Variants in DOCK1 observed in about 807,000 individuals in gnomAD.
DOCK1 encodes the protein dedicator of cytokinesis protein 1.
Under a neutral mutation model 262.7 loss-of-function variants are expected in DOCK1, and 138 were observed. The ratio of observed to expected loss-of-function variants is 0.53; its 90% CI spans 0.46 to 0.61. The LOEUF is 0.61. DOCK1 is among the 20% of genes least tolerant of loss of function. The pLI is 0.00. For missense variants in DOCK1, 1,908 were observed against 2,370.7 expected (o/e 0.80, Z 4.05); for synonymous variants, 866 against 867.4 (o/e 1.00, Z 0.03).
intron 1 of DOCK1, among the ~76,000 whole-genome samples, chr10:126,948,732 C>T (rs1481775898): frequency 6.6e-6 from 1 of 152,018 alleles, no homozygotes; most frequent in Non-Finnish European, 1.5e-5. Flanking sequence ...TGTGCAGCTG[C>T]CATCCAGCCT....
At chr10:127,414,633 A>G (rs1222254161) in intron 43 of DOCK1, among the ~76,000 whole-genome samples, 1 of 152,182 alleles carries the variant, frequency 6.6e-6, no homozygotes, top group African/African-American at 2.4e-5. Flanking sequence ...CCATATCTTT[A>G]TGTTCTCATA....
intron 46 of DOCK1, among the ~76,000 whole-genome samples, chr10:127,421,769 C>T (rs2068524219): frequency 6.6e-6 from 1 of 152,184 alleles, no homozygotes; most frequent in African/African-American, 2.4e-5. Context: ...AGAATGTCTT[C>T]CAGATTCATC....
At chr10:127,093,242 C>CTTTTTTTTTTTTTTTTTTTTTTTT (rs200302331) in intron 23 of DOCK1, among the ~76,000 whole-genome samples, 2 of 79,342 alleles carry the variant, frequency 2.5e-5, no homozygotes, top group Non-Finnish European at 4.4e-5. Flanking sequence ...TTTCTTTCTT[C>CTTTTTTTTTTTTTTTTTTTTTTTT]TTTTTTTTTT....
chr10:127,281,248 G>A (rs2060952889), intron 29 of DOCK1, among the ~76,000 whole-genome samples: 1 of 152,138 alleles, frequency 6.6e-6, no homozygotes, highest in Admixed American at 6.5e-5. Context: ...AATCATAATT[G>A]GTAGAAAGTT....
intron 43 of DOCK1, among the ~76,000 whole-genome samples, chr10:127,413,537 C>T (rs904482907): frequency 5.3e-5 from 8 of 152,206 alleles, no homozygotes; most frequent in African/African-American, 1.9e-4. Flanking sequence ...CGAGGTGGCT[C>T]ATCCCTGCAG....
intron 38 of DOCK1, among the ~76,000 whole-genome samples, chr10:127,385,697 C>T (rs1590820432): frequency 1.3e-5 from 2 of 152,226 alleles, no homozygotes; most frequent in African/African-American, 2.4e-5. Flanking sequence ...CCTGATGTCA[C>T]AGTGTTGGCG....
intron 39 of DOCK1, 23 bp from the exon 40 acceptor site, chr10:127,404,302 T>A (rs372340306): frequency 1.9e-6 from 3 of 1,600,310 alleles, no homozygotes. Context: ...AAACCTGAAA[T>A]GCATTTTCTT....
At chr10:126,926,390 G>GA (rs922714769) in intron 1 of DOCK1, among the ~76,000 whole-genome samples, 1 of 150,648 alleles carries the variant, frequency 6.6e-6, no homozygotes, top group Admixed American at 6.6e-5. Context: ...GTAGACAAAA[G>GA]AAAAAAAAGA....
At chr10:127,448,689 T>G (rs1164463874) in intron 51 of DOCK1, among the ~76,000 whole-genome samples, 1 of 152,100 alleles carries the variant, frequency 6.6e-6, no homozygotes, top group Non-Finnish European at 1.5e-5. Flanking sequence ...CTGGCCGTAT[T>G]TTTTTTGCTA....
intron 4 of DOCK1, among the ~76,000 whole-genome samples, chr10:126,986,511 C>T (rs2039401515): frequency 6.6e-6 from 1 of 152,230 alleles, no homozygotes; most frequent in Non-Finnish European, 1.5e-5. Flanking sequence ...CCCTAACCCT[C>T]AGTAGTCTGA....
intron 43 of DOCK1, 114 bp downstream of exon 43, chr10:127,411,038 T>C: frequency 9.8e-7 from 1 of 1,019,210 alleles, no homozygotes; most frequent in Non-Finnish European, 1.4e-6. Flanking sequence ...ATATTAAATG[T>C]CTTTGTGTAT....
intron 22 of DOCK1, among the ~76,000 whole-genome samples, chr10:127,058,728 A>G: frequency 6.6e-6 from 1 of 152,044 alleles, no homozygotes; most frequent in Non-Finnish European, 1.5e-5. Flanking sequence ...GACTTATTTT[A>G]GAGTATTTCA....
intron 35 of DOCK1, among the ~76,000 whole-genome samples, chr10:127,379,572 T>C (rs2065714497): frequency 6.6e-6 from 1 of 152,238 alleles, no homozygotes; most frequent in Non-Finnish European, 1.5e-5. Flanking sequence ...TTAAATTTAC[T>C]TTACCTTTTA....
chr10:127,238,605 A>G (rs1027084848), intron 27 of DOCK1, among the ~76,000 whole-genome samples: 6 of 151,858 alleles, frequency 4.0e-5, no homozygotes, highest in Admixed American at 2.6e-4. Flanking sequence ...TTCTCATTCA[A>G]TTTGCTACAT....
rs771597355 is a variant in DOCK1 at position 126,999,399 on chromosome 10, CATAGACAGAT to C, written c.814_823del (p.Ile272TyrfsTer16). The stretch of plus-strand genomic sequence containing the variant: ...GGTCCAGTTCAGGATTACCTAAAGA[CATAGACAGAT>C]TACATAATTTGCGAGCCGTGTTTAC... On this transcript the variant is annotated frameshift_variant, in exon 9 of 52. Transcript: ENST00000623213. LOFTEE classifies it high-confidence loss of function. 1 of 1,613,332 alleles carries C rather than the reference CATAGACAGAT, an allele frequency of 6.2e-7. No individual in the cohort carries two copies. Among genetic ancestry groups the C allele is most frequent in the East Asian group, 2.2e-5 (1 of 44,872 alleles).
chr10:127,058,387 A>G (rs1226824941), intron 22 of DOCK1, among the ~76,000 whole-genome samples: 4 of 151,800 alleles, frequency 2.6e-5, no homozygotes, highest in Non-Finnish European at 4.4e-5. Context: ...TTTTATTTTC[A>G]TGCTTTCTGT....
chr10:127,332,067 A>G (rs1296416127), intron 29 of DOCK1, among the ~76,000 whole-genome samples: 3 of 152,194 alleles, frequency 2.0e-5, no homozygotes, highest in East Asian at 1.9e-4. Context: ...GCCCACGACA[A>G]TTCCTTGGCC....
rs189465716 is a variant in DOCK1 at position 127,110,801 on chromosome 10, A to G, written c.2623+447A>G. On this transcript the variant is annotated intron_variant, in intron 25 of 51. Transcript: ENST00000623213. ...CCTACTCAAAGTAATAAGAATTTCAATGATTCTTCAACTCATTTATCCTGC... is the reference window on the plus strand; with the variant it reads ...CCTACTCAAAGTAATAAGAATTTCAGTGATTCTTCAACTCATTTATCCTGC... 1.1e-4 allele frequency among the ~76,000 whole-genome samples: 16 copies of G among 152,348 alleles called. No homozygotes were observed. The South Asian group carries it at 2.3e-3, about 22-fold the overall frequency.
chr10:126,943,518 T>C (rs942556810), intron 1 of DOCK1, among the ~76,000 whole-genome samples: 1 of 152,208 alleles, frequency 6.6e-6, no homozygotes, highest in Admixed American at 6.5e-5. Flanking sequence ...TACTGAATGC[T>C]ATTTAAGTTA....
Sources: gnomAD v4.1 joint callset for allele counts (sites outside exome capture counted in the v4.1 genomes callset) on GRCh38, gnomAD v4.1.1 for gene constraint, MANE v1.5 for transcripts, NCBI Gene and HGNC (gene_info 2026-07-23, HGNC 2026-07-21) for gene names.